Variants in KCNIP1 observed in about 807,000 individuals in gnomAD.
KCNIP1 encodes potassium voltage-gated channel interacting protein 1.
In KCNIP1, 18 loss-of-function variants were observed where a neutral mutation model predicts 33.0. The ratio of observed to expected loss-of-function variants is 0.55; its 90% CI spans 0.38 to 0.81. KCNIP1 has a LOEUF of 0.81. Ranked by LOEUF, KCNIP1 falls within the 30% of genes least tolerant of loss-of-function variation. The pLI is 0.00. For synonymous variants in KCNIP1, 93 were observed against 98.3 expected (o/e 0.95, Z 0.32); for missense variants, 238 against 271.6 (o/e 0.88, Z 0.87).
At chr5:170,471,189 G>T (rs181565089) in intron 1 of KCNIP1, among the ~76,000 whole-genome samples, 25 of 152,272 alleles carry the variant, frequency 1.6e-4, no homozygotes, top group Admixed American at 1.5e-3. Context: ...CCTAAGAGGG[G>T]TCTGTGCTCC....
At chr5:170,623,330 G>A (rs1303198465) in intron 1 of KCNIP1, among the ~76,000 whole-genome samples, 3 of 151,808 alleles carry the variant, frequency 2.0e-5, no homozygotes, top group Non-Finnish European at 2.9e-5. Context: ...TCCTCCCTCA[G>A]CCTCCCAAGT....
At chr5:170,715,430 G>A (rs1228874462) in intron 1 of KCNIP1, among the ~76,000 whole-genome samples, 1 of 152,156 alleles carries the variant, frequency 6.6e-6, no homozygotes. Flanking sequence ...TCCACACTCA[G>A]AAGAGTCTAT....
In KCNIP1 at chr5:170,661,051, T is replaced by C. The variant is rs1256614415; in HGVS notation, c.62-57707T>C. Among the ~76,000 whole-genome samples, 6 of 152,334 alleles carry C rather than the reference T, an allele frequency of 3.9e-5. No homozygotes were observed. The East Asian group carries it at 1.2e-3, about 29-fold the overall frequency. On this transcript the variant is annotated intron_variant, in intron 1 of 7. Transcript: ENST00000328939. ...GATAGAATGGGCATTTTCTGGAAGA[T>C]CTGTTCAGGGGCATTTGGTGAGACA...
chr5:170,459,647 A>G (rs541037764), intron 1 of KCNIP1, among the ~76,000 whole-genome samples: 7 of 152,336 alleles, frequency 4.6e-5, no homozygotes, highest in African/African-American at 1.7e-4. Context: ...ACTGAATGAC[A>G]GTACTGACAC....
chr5:170,443,481 G>A (rs1027764975), intron 1 of KCNIP1, among the ~76,000 whole-genome samples: 1 of 152,152 alleles, frequency 6.6e-6, no homozygotes. Flanking sequence ...AAAGTAGTGA[G>A]CCTCCTGTGG....
At chr5:170,686,384 C>T (rs916610348) in intron 1 of KCNIP1, among the ~76,000 whole-genome samples, 8 of 151,972 alleles carry the variant, frequency 5.3e-5, no homozygotes, top group South Asian at 2.1e-4. Flanking sequence ...GAGGAAGATG[C>T]GAACAAGGAG....
chr5:170,552,545 G>C (rs926943403), intron 1 of KCNIP1, among the ~76,000 whole-genome samples: 9 of 152,114 alleles, frequency 5.9e-5, no homozygotes, highest in Non-Finnish European at 1.0e-4. Flanking sequence ...GTTTGTGTTC[G>C]GGCTTCCATA....
intron 1 of KCNIP1, among the ~76,000 whole-genome samples, chr5:170,616,915 T>G (rs1326840673): frequency 6.6e-6 from 1 of 152,048 alleles, no homozygotes; most frequent in African/African-American, 2.4e-5. Flanking sequence ...GTCCCTGAGC[T>G]GGGCTAGGGT....
chr5:170,475,792 A>T (rs1185938575), intron 1 of KCNIP1, among the ~76,000 whole-genome samples: 1 of 151,624 alleles, frequency 6.6e-6, no homozygotes, highest in Non-Finnish European at 1.5e-5. Flanking sequence ...AACAGACCCA[A>T]TTTTGTTCAG....
chr5:170,491,270 GAAGA>G (rs1230221881), intron 1 of KCNIP1, among the ~76,000 whole-genome samples: 2 of 151,110 alleles, frequency 1.3e-5, no homozygotes, highest in African/African-American at 4.9e-5. Flanking sequence ...ATGAATGAAT[GAAGA>G]ATGAATGAAG....
chr5:170,460,041 A>T (rs1432648184), intron 1 of KCNIP1, among the ~76,000 whole-genome samples: 1 of 152,210 alleles, frequency 6.6e-6, no homozygotes, highest in East Asian at 1.9e-4. Flanking sequence ...ACAAGAGAAC[A>T]TTCAAGGCTA....
At chr5:170,650,319 C>T (rs1434426743) in intron 1 of KCNIP1, among the ~76,000 whole-genome samples, 4 of 152,088 alleles carry the variant, frequency 2.6e-5, no homozygotes, top group Non-Finnish European at 5.9e-5. Flanking sequence ...TTAATCCCAC[C>T]TTCCATCCCT....
At chr5:170,374,573 G>A (rs17563498) in intron 1 of KCNIP1, 24,438 of 152,146 alleles carry the variant, frequency 0.16, 2,307 homozygotes, top group South Asian at 0.28. Flanking sequence ...TCTGAGTTCT[G>A]GAGGACGGCA....
At chr5:170,526,797 A>T (rs2113329453) in intron 1 of KCNIP1, among the ~76,000 whole-genome samples, 1 of 145,492 alleles carries the variant, frequency 6.9e-6, no homozygotes, top group East Asian at 2.0e-4. Flanking sequence ...ATCTCAGCTC[A>T]GGGCAACCTC....
At chr5:170,726,562 G>A (rs1475620338) in intron 5 of KCNIP1, among the ~76,000 whole-genome samples, 1 of 151,974 alleles carries the variant, frequency 6.6e-6, no homozygotes, top group African/African-American at 2.4e-5. Flanking sequence ...GAAACATTTT[G>A]GCATCTTTGA....
At chr5:170,428,108 T>C (rs537975923) in intron 1 of KCNIP1, among the ~76,000 whole-genome samples, 224 of 152,280 alleles carry the variant, frequency 1.5e-3, no homozygotes, top group Middle Eastern at 3.4e-3. Flanking sequence ...TGTGGGTGTG[T>C]CCCAGGGACA....
chr5:170,725,460 T>A (rs1763976739), intron 5 of KCNIP1, among the ~76,000 whole-genome samples: 1 of 152,012 alleles, frequency 6.6e-6, no homozygotes, highest in African/African-American at 2.4e-5. Flanking sequence ...ATTTGTTGGA[T>A]CTAAAAATCA....
chr5:170,579,454 A>G (rs1332805410), intron 1 of KCNIP1, among the ~76,000 whole-genome samples: 1 of 152,192 alleles, frequency 6.6e-6, no homozygotes, highest in Non-Finnish European at 1.5e-5. Context: ...GGCCAGAAGA[A>G]TGGCCCTGCC....
intron 1 of KCNIP1, among the ~76,000 whole-genome samples, chr5:170,592,178 T>C (rs927062803): frequency 1.3e-5 from 2 of 152,218 alleles, no homozygotes; most frequent in Non-Finnish European, 2.9e-5. Context: ...TTGTTTCTCA[T>C]TGTGGTTTGC....
Sources: allele counts gnomAD v4.1 joint callset (sites outside exome capture counted in the v4.1 genomes callset), GRCh38; gene constraint gnomAD v4.1.1; transcripts MANE v1.5; gene names NCBI Gene and HGNC (gene_info 2026-07-23, HGNC 2026-07-21).